Variants in MRPL33 observed in about 807,000 individuals in gnomAD.
MRPL33 encodes mitochondrial ribosomal protein L33.
In MRPL33, 5 loss-of-function variants were observed where a neutral mutation model predicts 10.1. The ratio of observed to expected loss-of-function variants is 0.49; its 90% CI spans 0.26 to 1.04. The LOEUF (loss-of-function observed/expected upper bound fraction) is 1.04, where lower values mean the gene tolerates loss of function less well. MRPL33 is among the 50% of genes least tolerant of loss of function. The pLI is 0.14. For missense variants in MRPL33, 79 were observed against 78.1 expected (o/e 1.01, Z -0.04); for synonymous variants, 24 against 27.7 (o/e 0.87, Z 0.42).
At chr2:27,778,483 G>A (rs1677216873) in intron 3 of MRPL33, among the ~76,000 whole-genome samples, 1 of 151,996 alleles carries the variant, frequency 6.6e-6, no homozygotes, top group Non-Finnish European at 1.5e-5. Context: ...GAGAGAGATG[G>A]AAGTTAATCG....
chr2:27,776,906 A>C (rs1677185364), intron 3 of MRPL33, among the ~76,000 whole-genome samples: 1 of 152,230 alleles, frequency 6.6e-6, no homozygotes, highest in South Asian at 2.1e-4. Context: ...CTTGTGAGGG[A>C]GATAGTTATC....
At chr2:27,775,157 G>A (rs889589594) in intron 3 of MRPL33, among the ~76,000 whole-genome samples, 1 of 152,104 alleles carries the variant, frequency 6.6e-6, no homozygotes, top group African/African-American at 2.4e-5. Context: ...TTAGATGGAA[G>A]TATTTATCTA....
intron 1 of MRPL33, chr2:27,772,217 T>A (rs1439710177): frequency 4.0e-6 from 1 of 252,340 alleles, no homozygotes; most frequent in East Asian, 8.3e-5. Flanking sequence ...GTCCTCGGGC[T>A]CCCGAGTCAG....
intron 1 of MRPL33, chr2:27,772,008 C>T (rs1573022365): frequency 5.4e-6 from 3 of 560,468 alleles, no homozygotes; most frequent in Non-Finnish European, 6.3e-6. Flanking sequence ...AAGGGGTCTG[C>T]GGTGTCTGGA....
In MRPL33 at chr2:27,771,766, G is replaced by C; in HGVS notation, c.-12G>C. The C allele has an allele frequency of 6.2e-7, 1 of 1,614,194 alleles. No individual in the cohort carries two copies. Among genetic ancestry groups the C allele is most frequent in the Non-Finnish European group, 8.5e-7 (1 of 1,180,018 alleles). ...TTTGGCCGGTGACGGAGACTGCCCA[G>C]GTGTGGTCACCATGTTCCTCTCCGC... On this transcript the variant is annotated 5_prime_UTR_variant, in exon 1 of 4. Transcript: ENST00000296102.
chr2:27,779,337 G>A, intron 3 of MRPL33, 96 bp from the exon 4 acceptor site: 1 of 1,356,838 alleles, frequency 7.4e-7, no homozygotes, highest in South Asian at 1.5e-5. Flanking sequence ...TAAAATAAGA[G>A]AAAGGTGAGG....
chr2:27,775,442 C>T (rs998549347), intron 3 of MRPL33, among the ~76,000 whole-genome samples: 2 of 149,198 alleles, frequency 1.3e-5, no homozygotes, highest in African/African-American at 4.9e-5. Flanking sequence ...ACCTCTGCCT[C>T]CTGGGTTCAA....
At chr2:27,777,663 A>G (rs749416960) in intron 3 of MRPL33, among the ~76,000 whole-genome samples, 5 of 152,200 alleles carry the variant, frequency 3.3e-5, no homozygotes, top group African/African-American at 4.8e-5. Context: ...ACACTTTTGT[A>G]AACTCTACAT....
rs1677107739 is a variant in MRPL33, at chr2:27,774,336, A to G, written c.42-88A>G. ...GATATCTCACAACTAATATTACCCTACAGAGTTCTCAAAATGTGCCATCCC... is the reference window on the plus strand; with the variant it reads ...GATATCTCACAACTAATATTACCCTGCAGAGTTCTCAAAATGTGCCATCCC... On this transcript the variant is annotated intron_variant, in intron 2 of 3. Transcript: ENST00000296102. 3.9e-6 allele frequency: 4 copies of G among 1,035,542 alleles called. No homozygotes were observed. The Admixed American group carries it at 6.9e-5, about 18-fold the overall frequency. The allele number at this position is 1,035,542 out of a possible 1,614,324, so 64.1% of individuals were successfully genotyped here. A position where few individuals can be genotyped will look rare whatever the true frequency, so the allele number is the denominator to read the frequency against.
At position 27,779,675 on chromosome 2, in the gene MRPL33, A is replaced by G; in HGVS notation, c.*193A>G. The G allele has an allele frequency of 9.8e-7, 1 of 1,025,374 alleles. No individual in the cohort carries two copies. Among genetic ancestry groups the G allele is most frequent in the African/African-American group, 1.6e-5 (1 of 61,510 alleles). The allele number at this position is 1,025,374 out of a possible 1,614,324, so 63.5% of individuals were successfully genotyped here. ...TTCATATTAGGACAGATATCATTGCATCACATTTATTTATCTTTCTGGGTA... is the reference window on the plus strand; with the variant it reads ...TTCATATTAGGACAGATATCATTGCGTCACATTTATTTATCTTTCTGGGTA... On this transcript the variant is annotated 3_prime_UTR_variant, in exon 4 of 4. Transcript: ENST00000296102.
At chr2:27,776,324 A>G (rs1443201976) in intron 3 of MRPL33, among the ~76,000 whole-genome samples, 5 of 152,278 alleles carry the variant, frequency 3.3e-5, no homozygotes, top group Non-Finnish European at 7.3e-5. Context: ...CGTGTTCGTG[A>G]TGAAGATGTT....
chr2:27,771,840 G>A, intron 1 of MRPL33, 41 bp downstream of exon 1: 1 of 1,601,236 alleles, frequency 6.2e-7, no homozygotes, highest in Middle Eastern at 1.7e-4. Context: ...TACGGCGAGG[G>A]TTAGGGGGCC....
intron 2 of MRPL33, 24 bp downstream of exon 2, chr2:27,772,716 T>C (rs1193454946): frequency 9.5e-6 from 15 of 1,579,400 alleles, no homozygotes; most frequent in Non-Finnish European, 1.3e-5. Flanking sequence ...TTTCCTTTTT[T>C]AAACGTCACT....
chr2:27,775,645 C>T (rs1677135434), intron 3 of MRPL33, among the ~76,000 whole-genome samples: 1 of 152,184 alleles, frequency 6.6e-6, no homozygotes. Flanking sequence ...AGCCACCGCA[C>T]CCGGCCATTG....
At position 27,774,516 on chromosome 2, in the gene MRPL33, A is replaced by G; in HGVS notation, c.134A>G (p.His45Arg). 2 of 1,613,990 alleles carry G rather than the reference A, an allele frequency of 1.2e-6. No homozygotes were observed. The highest frequency in any genetic ancestry group is 1.7e-6 in the Non-Finnish European group (2 of 1,179,840). Reference protein sequence around the residue: ...NRLREKLTLLHYDPVVKQRVL... With the variant: ...NRLREKLTLLRYDPVVKQRVL... ...CTGCGGGAAAAACTGACTCTTTTGC[A>G]TTATGATCCAGTTGGTAAGATCTGG... Residue 45 changes from histidine (H) to arginine (R), a missense_variant, in exon 3 of 4, where the codon CAT (histidine) becomes CGT (arginine). His to Arg is a conservative substitution (Grantham distance 29). Coordinates refer to ENST00000296102, the MANE Select transcript of MRPL33 (RefSeq NM_004891.4).
chr2:27,772,000 G>C (rs1677058936), intron 1 of MRPL33: 5 of 578,190 alleles, frequency 8.6e-6, no homozygotes, highest in East Asian at 3.0e-5. Flanking sequence ...TGCCTGAGAA[G>C]GGGTCTGCGG....
Position 27,772,970 on chromosome 2 carries a change from A to G in MRPL33, c.41+278A>G, listed in dbSNP as rs915143037. On this transcript the variant is annotated intron_variant, in intron 2 of 3. Coordinates refer to ENST00000296102, the MANE Select transcript of MRPL33 (RefSeq NM_004891.4). ...ATTTGTGAGCTCACTGTCTGTTTCT[A>G]AACAAACCATTGGGCTGTGCTGTAT... The G allele has an allele frequency of 1.6e-4, 69 of 424,728 alleles. No homozygotes were observed. In the South Asian group the frequency reaches 2.1e-3, roughly 13 times the overall value. The allele number at this position is 424,728 out of a possible 1,614,324, so 26.3% of individuals were successfully genotyped here.
At chr2:27,772,901 A>G in intron 2 of MRPL33, 2 of 528,130 alleles carry the variant, frequency 3.8e-6, no homozygotes, top group Non-Finnish European at 6.6e-6. Flanking sequence ...TTCTGTGAGC[A>G]TTGAAATACT....
At chr2:27,778,271 A>G (rs1329297066) in intron 3 of MRPL33, among the ~76,000 whole-genome samples, 2 of 152,226 alleles carry the variant, frequency 1.3e-5, no homozygotes, top group East Asian at 1.9e-4. Context: ...TCTCATATGC[A>G]GAGTATCCAT....
Sources: allele counts gnomAD v4.1 joint callset (sites outside exome capture counted in the v4.1 genomes callset), GRCh38; gene constraint gnomAD v4.1.1; transcripts MANE v1.5; gene names NCBI Gene and HGNC (gene_info 2026-07-23, HGNC 2026-07-21).